TRANK1: variants seen among roughly 807,000 people sequenced by gnomAD.
TRANK1 encodes the protein TPR and ankyrin repeat-containing protein 1.
TRANK1 carries 198 observed loss-of-function variants against 266.0 expected under a neutral mutation model. That is an observed-to-expected ratio of 0.74 (90% CI 0.66 to 0.84). The LOEUF (loss-of-function observed/expected upper bound fraction) is 0.84. Among genes scored for constraint, TRANK1 ranks in the 40% least tolerant of loss-of-function variants. The pLI is 0.00. For missense variants in TRANK1, 3,326 were observed against 3,634.6 expected (o/e 0.92, Z 2.18); for synonymous variants, 1,396 against 1,384.1 (o/e 1.01, Z -0.19).
intron 2 of TRANK1, among the ~76,000 whole-genome samples, chr3:36,906,898 C>T (rs1470910539): frequency 6.6e-6 from 1 of 152,304 alleles, no homozygotes; most frequent in East Asian, 1.9e-4. Flanking sequence ...TAACTTGCTA[C>T]AGCAGCAACA....
At chr3:36,892,463 A>T in intron 6 of TRANK1, 123 bp from the exon 7 acceptor site, 1 of 1,192,694 alleles carries the variant, frequency 8.4e-7, no homozygotes, top group Non-Finnish European at 1.1e-6. Context: ...CAAGCCTAGG[A>T]TTATTATAAA....
At chr3:36,846,459 T>C in intron 16 of TRANK1, 55 bp from the exon 17 acceptor site, 1 of 1,552,270 alleles carries the variant, frequency 6.4e-7, no homozygotes, top group East Asian at 2.3e-5. Flanking sequence ...AGCTACAAAG[T>C]GACACACTTC....
intron 9 of TRANK1, among the ~76,000 whole-genome samples, chr3:36,867,603 C>A (rs186670008): frequency 1.3e-5 from 2 of 152,242 alleles, no homozygotes; most frequent in East Asian, 3.9e-4. Context: ...TTCCTATAAG[C>A]TTAAAGAGTC....
intron 5 of TRANK1, among the ~76,000 whole-genome samples, chr3:36,894,206 G>C (rs995101473): frequency 4.6e-5 from 7 of 152,198 alleles, no homozygotes; most frequent in African/African-American, 1.7e-4. Flanking sequence ...GGAGTTGCCT[G>C]TCTCCCATTC....
chr3:36,874,365 C>T (rs1011019587), intron 8 of TRANK1, 69 bp from the exon 9 acceptor site: 9 of 1,483,326 alleles, frequency 6.1e-6, no homozygotes, highest in Middle Eastern at 2.2e-4. Context: ...CATGAGTGCT[C>T]TTCTTCTCAG....
At chr3:36,944,640 G>T (rs2080546665) in intron 1 of TRANK1, 147 bp downstream of exon 1, 1 of 930,832 alleles carries the variant, frequency 1.1e-6, no homozygotes, top group Non-Finnish European at 1.5e-6. Context: ...CACCTAGATG[G>T]CTGTGGGCCC....
At position 36,846,362 on chromosome 3, in the gene TRANK1, G is replaced by T. The variant is rs774693071; in HGVS notation, c.5077C>A (p.Arg1693=). The change falls in exon 17 of 24, where the codon CGG becomes AGG. Residue 1693 remains arginine (R), a synonymous_variant. Transcript: ENST00000645898. The part of the protein sequence containing the change: ...ELKQLYTAIT[R]ARVNLWIFDE... ...AAGATCCAGAGGTTGACCCGAGCCC[G>T]TGTGATGGCGGTGTACAGCTGCTTC... 58 of 1,613,672 alleles carry T rather than the reference G, an allele frequency of 3.6e-5. No individual in the cohort carries two copies. Among genetic ancestry groups the T allele is most frequent in the Non-Finnish European group, 1.3e-5 (15 of 1,179,806 alleles).
In TRANK1 at chr3:36,831,138, G is replaced by A. The variant is rs775923832; in HGVS notation, c.8445C>T (p.Ser2815=). ...GATGGATATGCTGCTCGTAAGACTC[G>A]CTGTTCCTCTCCTGACACTCCTCCC... ...LEREECQERN[S]ESYEQHIHLE... is the part of the protein sequence containing the mutation. The change falls in exon 22 of 24, where the codon AGC becomes AGT. Residue 2815 remains serine, a synonymous_variant. Transcript: ENST00000645898. This position sits in a 1 kb window ranked among gnomAD's most constrained non-coding sequence, Gnocchi z 5.0. 20 of 1,613,922 alleles carry A rather than the reference G, an allele frequency of 1.2e-5. No homozygotes were observed. Among genetic ancestry groups the A allele is most frequent in the Non-Finnish European group, 1.5e-5 (18 of 1,179,886 alleles).
chr3:36,861,134 T>C lies in TRANK1; in HGVS notation c.1267A>G (p.Ile423Val), dbSNP rs1349322860. The change falls in exon 11 of 24, where the codon ATT becomes GTT. Residue 423 changes from isoleucine (I) to valine (V), a missense_variant. Transcript: ENST00000645898. ...ACGGTGGTGGCACAGTCTTGATTAA[T>C]ATCACAGACCAGGTCAGGAGGAATT... ...QEIPPDLVCD[I>V]NQDCATTVFK... 31 of 1,537,186 alleles carry C rather than the reference T, an allele frequency of 2.0e-5. No individual in the cohort carries two copies. Among genetic ancestry groups the C allele is most frequent in the Non-Finnish European group, 2.4e-5 (27 of 1,146,916 alleles).
At chr3:36,876,611 G>T (rs1433925686) in intron 8 of TRANK1, among the ~76,000 whole-genome samples, 1 of 152,174 alleles carries the variant, frequency 6.6e-6, no homozygotes, top group Admixed American at 6.5e-5. Context: ...ACCACAAACC[G>T]CTACAGATGA....
intron 4 of TRANK1, among the ~76,000 whole-genome samples, chr3:36,898,848 T>C (rs2079833444): frequency 9.0e-6 from 1 of 110,802 alleles, no homozygotes; most frequent in South Asian, 2.8e-4. Flanking sequence ...AGACTCTGTC[T>C]CAAAAAAAAA....
intron 7 of TRANK1, 32 bp downstream of exon 7, chr3:36,892,170 C>T (rs746463448): frequency 2.6e-6 from 4 of 1,533,872 alleles, no homozygotes; most frequent in East Asian, 2.4e-5. Flanking sequence ...AGAAGGGCAG[C>T]TTGGAGGGTG....
At chr3:36,842,203 A>G (rs1042214353) in intron 18 of TRANK1, among the ~76,000 whole-genome samples, 2 of 152,278 alleles carry the variant, frequency 1.3e-5, no homozygotes, top group African/African-American at 4.8e-5. Context: ...CACCAGACTC[A>G]GATTGGCAAT....
Position 36,833,236 on chromosome 3 carries a change from A to C in TRANK1, c.6347T>G (p.Phe2116Cys), listed in dbSNP as rs1194561720. Residue 2116 changes from phenylalanine (F) to cysteine (C), a missense_variant, in exon 22 of 24, where the codon TTT (phenylalanine) becomes TGT (cysteine). Transcript: ENST00000645898. ...EKEMVKSCFE[F>C]FGISQVDAKY... is the part of the protein sequence containing the mutation. ...GGCATCCACCTGGGAAATCCCAAAA[A>C]ACTCAAAGCAAGATTTGACCATTTC... 3 of 1,613,920 alleles carry C rather than the reference A, an allele frequency of 1.9e-6. No individual in the cohort carries two copies. The highest frequency in any genetic ancestry group is 2.7e-5 in the African/African-American group (2 of 74,932).
chr3:36,879,625 T>TATATATAAATATAC lies in TRANK1; in HGVS notation c.908-5330_908-5329insGTATATTTATATAT, dbSNP rs2079449159. ...ATATATATAAATATACAAATATATATAAATATATATAAATATACAAATATA... is the reference window on the plus strand; with the variant it reads ...ATATATATAAATATACAAATATATATATATATAAATATACAAATATATATAAATATACAAATATA... On this transcript the variant is annotated intron_variant, in intron 8 of 23. Transcript: ENST00000645898. Among the ~76,000 whole-genome samples the TATATATAAATATAC allele has an allele frequency of 3.8e-5, 4 of 105,820 alleles. 1 individual carries two copies. The highest frequency in any genetic ancestry group is 2.6e-4 in the South Asian group (1 of 3,830). 69.4% of individuals were successfully genotyped at this position (105,820 alleles called of 152,430 possible). A position where few individuals can be genotyped will look rare whatever the true frequency, so the allele number is the denominator to read the frequency against.
chr3:36,914,757 C>T (rs2125639988), intron 1 of TRANK1, among the ~76,000 whole-genome samples: 1 of 151,644 alleles, frequency 6.6e-6, no homozygotes, highest in East Asian at 1.9e-4. Context: ...CTTCCCTTAG[C>T]TTCCCTAGTA....
chr3:36,883,286 A>G (rs1227730944), intron 8 of TRANK1, among the ~76,000 whole-genome samples: 2 of 151,892 alleles, frequency 1.3e-5, no homozygotes, highest in African/African-American at 2.4e-5. Context: ...ACCAACAACA[A>G]CAGCAAAAAA....
At chr3:36,858,997 T>C (rs749478235) in intron 11 of TRANK1, 103 bp from the exon 12 acceptor site, 10 of 1,307,022 alleles carry the variant, frequency 7.7e-6, no homozygotes, top group Non-Finnish European at 1.0e-5. Flanking sequence ...GAAGAGCTAA[T>C]GTTTACCTAA....
Position 36,832,224 on chromosome 3 carries a change from T to A in TRANK1, c.7359A>T (p.Val2453=), listed in dbSNP as rs759027731. The change falls in exon 22 of 24, where the codon GTA becomes GTT. Residue 2453 remains valine, a synonymous_variant. Coordinates refer to ENST00000645898, the MANE Select transcript of TRANK1 (RefSeq NM_001329998.2). ...EPLIPSIGNT[V]ALLEFQFIHC... Reference sequence around the variant, plus strand: ...GGATGAACTGGAACTCCAGGAGGGCTACTGTGTTTCCAATGCTGGGGATGA... The same window carrying A: ...GGATGAACTGGAACTCCAGGAGGGCAACTGTGTTTCCAATGCTGGGGATGA... 1 of 1,614,006 alleles carries A rather than the reference T, an allele frequency of 6.2e-7. No individual in the cohort carries two copies. Among genetic ancestry groups the A allele is most frequent in the Non-Finnish European group, 8.5e-7 (1 of 1,179,888 alleles).
Sources: allele counts gnomAD v4.1 joint callset (sites outside exome capture counted in the v4.1 genomes callset), GRCh38; gene constraint gnomAD v4.1.1; non-coding constraint Gnocchi (gnomAD v3.1); transcripts MANE v1.5; gene names NCBI Gene and HGNC (gene_info 2026-07-23, HGNC 2026-07-21).